MTPAP: variants seen among roughly 807,000 people sequenced by gnomAD.
MTPAP encodes mitochondrial poly(A) polymerase.
Under a neutral mutation model 48.7 loss-of-function variants are expected in MTPAP, and 23 were observed. The observed-to-expected ratio is 0.47, with a 90% CI of 0.34 to 0.67. The LOEUF (loss-of-function observed/expected upper bound fraction) is 0.67. Ranked by LOEUF, MTPAP falls within the 30% of genes least tolerant of loss-of-function variation. The pLI is 0.01. For missense variants in MTPAP, 614 were observed against 694.3 expected (o/e 0.88, Z 1.30); for synonymous variants, 257 against 254.1 (o/e 1.01, Z -0.11).
At position 30,311,031 on chromosome 10, in the gene MTPAP, C is replaced by T. The variant is rs1427481784; in HGVS notation, c.*2578G>A. The T allele has an allele frequency of 6.6e-6, 1 of 152,080 alleles. No homozygotes were observed. Among genetic ancestry groups the T allele is most frequent in the Non-Finnish European group, 1.5e-5 (1 of 68,014 alleles). The allele number at this position is 152,080 out of a possible 1,614,324, so 9.4% of individuals were successfully genotyped here. A position where few individuals can be genotyped will look rare whatever the true frequency, so the allele number is the denominator to read the frequency against. ...CCAAAAAGAAAAGAAAATGCTAACC[C>T]ATACACATACTTTATGTGCTTAAAT... is the stretch of plus-strand genomic sequence containing the variant. On this transcript the variant is annotated 3_prime_UTR_variant, in exon 9 of 9. Transcript: ENST00000263063.
chr10:30,327,459 A>G (rs1669366728), intron 4 of MTPAP, among the ~76,000 whole-genome samples: 1 of 151,794 alleles, frequency 6.6e-6, no homozygotes, highest in Non-Finnish European at 1.5e-5. Context: ...AGATCACACT[A>G]CTGTACTCCA....
At position 30,310,916 on chromosome 10, in the gene MTPAP, A is replaced by G. The variant is rs1241637312; in HGVS notation, c.*2693T>C. ...TTGCTCTCAAAAAAAAAAACAAAAA[A>G]CAAGTCTTTGTAGATTTAAAATTAA... On this transcript the variant is annotated 3_prime_UTR_variant, in exon 9 of 9. Transcript: ENST00000263063. The G allele has an allele frequency of 6.6e-6, 1 of 152,098 alleles. No homozygotes were observed. Among genetic ancestry groups the G allele is most frequent in the Non-Finnish European group, 1.5e-5 (1 of 68,024 alleles). The allele number at this position is 152,098 out of a possible 1,614,324, so 9.4% of individuals were successfully genotyped here.
chr10:30,335,958 C>T (rs557026175), intron 4 of MTPAP, among the ~76,000 whole-genome samples: 3 of 152,016 alleles, frequency 2.0e-5, no homozygotes, highest in African/African-American at 7.2e-5. Context: ...TGCAGTGAGC[C>T]GAGATTGCAC....
At position 30,313,711 on chromosome 10, in the gene MTPAP, A is replaced by G; in HGVS notation, c.1647T>C (p.Phe549=). The G allele has an allele frequency of 6.2e-7, 1 of 1,614,218 alleles. No homozygotes were observed. The highest frequency in any genetic ancestry group is 8.5e-7 in the Non-Finnish European group (1 of 1,180,036). Reference sequence around the variant, plus strand: ...GCAAGTTTTTGACTGTTTCAATTGCAAACTTATTGCTTTTCTTCTTGGTAA... The same window carrying G: ...GCAAGTTTTTGACTGTTTCAATTGCGAACTTATTGCTTTTCTTCTTGGTAA... ...KSFTKKKSNK[F]AIETVKNLLE... is the part of the protein sequence containing the mutation. Residue 549 remains phenylalanine, a synonymous_variant, in exon 9 of 9, where the codon TTT becomes TTC. Transcript: ENST00000263063.
intron 4 of MTPAP, among the ~76,000 whole-genome samples, chr10:30,331,727 C>T (rs1465435569): frequency 1.3e-5 from 2 of 152,172 alleles, no homozygotes; most frequent in Non-Finnish European, 2.9e-5. Context: ...CCATCATGCC[C>T]GGCTAATTTT....
intron 6 of MTPAP, among the ~76,000 whole-genome samples, chr10:30,316,990 T>C (rs920702255): frequency 6.6e-6 from 1 of 152,250 alleles, no homozygotes; most frequent in Non-Finnish European, 1.5e-5. Flanking sequence ...GACTGAATGA[T>C]TAAATAACGA....
At chr10:30,335,966 C>T (rs1406506524) in intron 4 of MTPAP, among the ~76,000 whole-genome samples, 5 of 152,090 alleles carry the variant, frequency 3.3e-5, no homozygotes, top group African/African-American at 1.2e-4. Context: ...GCCGAGATTG[C>T]ACCATTGCAC....
At chr10:30,347,751 C>A (rs11594004) in intron 1 of MTPAP, among the ~76,000 whole-genome samples, 2 of 152,136 alleles carry the variant, frequency 1.3e-5, no homozygotes, top group Non-Finnish European at 2.9e-5. Context: ...ATTAGCCAGG[C>A]GTGGTGCCAC....
chr10:30,330,369 G>C (rs1174965628), intron 4 of MTPAP, among the ~76,000 whole-genome samples: 1 of 152,176 alleles, frequency 6.6e-6, no homozygotes, highest in Non-Finnish European at 1.5e-5. Flanking sequence ...AAGACAGATT[G>C]GGGGTCTATC....
At chr10:30,319,504 T>A (rs1262258979) in intron 6 of MTPAP, among the ~76,000 whole-genome samples, 1 of 152,174 alleles carries the variant, frequency 6.6e-6, no homozygotes. Flanking sequence ...CTCAATATGG[T>A]TTTGATTGTT....
chr10:30,335,654 GA>G (rs1217978175), intron 4 of MTPAP, among the ~76,000 whole-genome samples: 1 of 151,878 alleles, frequency 6.6e-6, no homozygotes, highest in Non-Finnish European at 1.5e-5. Flanking sequence ...ACTTGAAAGA[GA>G]AAAAAAGGGT....
intron 5 of MTPAP, among the ~76,000 whole-genome samples, chr10:30,323,610 C>T (rs961704582): frequency 4.6e-5 from 7 of 152,076 alleles, no homozygotes; most frequent in African/African-American, 7.2e-5. Flanking sequence ...CCTGGGTTCA[C>T]GCCATTCTCC....
intron 5 of MTPAP, among the ~76,000 whole-genome samples, chr10:30,323,952 G>A (rs533874677): frequency 6.6e-6 from 1 of 152,294 alleles, no homozygotes; most frequent in Non-Finnish European, 1.5e-5. Context: ...AAGCTGAGGT[G>A]GGCAGATAGC....
chr10:30,323,141 A>AAAAAAAAAAG (rs1564519548), intron 5 of MTPAP, among the ~76,000 whole-genome samples: 1 of 147,284 alleles, frequency 6.8e-6, no homozygotes, highest in African/African-American at 2.6e-5. Flanking sequence ...AAAAAAAAAA[A>AAAAAAAAAAG]AAAAAAAAAG....
intron 4 of MTPAP, 131 bp downstream of exon 4, chr10:30,336,672 C>A: frequency 3.8e-6 from 3 of 796,256 alleles, no homozygotes; most frequent in Admixed American, 3.9e-5. Flanking sequence ...ATAACAAATA[C>A]ACCTTATTCT....
chr10:30,323,629 C>T (rs1329595464), intron 5 of MTPAP, among the ~76,000 whole-genome samples: 1 of 152,090 alleles, frequency 6.6e-6, no homozygotes, highest in Non-Finnish European at 1.5e-5. Context: ...CCTGCCTCAG[C>T]CTCCCAAGTA....
intron 4 of MTPAP, among the ~76,000 whole-genome samples, chr10:30,330,605 G>A (rs1188346418): frequency 6.6e-6 from 1 of 152,228 alleles, no homozygotes; most frequent in Non-Finnish European, 1.5e-5. Context: ...CTGGGCGCAG[G>A]AAAGTGGTGA....
At chr10:30,349,074 T>A (rs1834903728) in intron 1 of MTPAP, 45 bp downstream of exon 1, 2 of 1,613,360 alleles carry the variant, frequency 1.2e-6, no homozygotes, top group Admixed American at 1.7e-5. Flanking sequence ...CCCAGACTCC[T>A]CGCCCGCTGT....
chr10:30,340,695 G>C (rs1041461180), intron 2 of MTPAP, among the ~76,000 whole-genome samples: 1 of 152,164 alleles, frequency 6.6e-6, no homozygotes, highest in Non-Finnish European at 1.5e-5. Context: ...GAGGTGGGCA[G>C]ATCACCTGAG....
Sources: allele counts gnomAD v4.1 joint callset (sites outside exome capture counted in the v4.1 genomes callset), GRCh38; gene constraint gnomAD v4.1.1; transcripts MANE v1.5; gene names NCBI Gene and HGNC (gene_info 2026-07-23, HGNC 2026-07-21).